LRP1B: variants seen among roughly 807,000 people sequenced by gnomAD.
LRP1B encodes LDL receptor related protein 1B.
A neutral mutation model predicts 556.6 loss-of-function variants in LRP1B; 217 were observed. That is an observed-to-expected ratio of 0.39 (90% CI 0.35 to 0.44). The LOEUF is 0.44. Among genes scored for constraint, LRP1B ranks in the 20% least tolerant of loss-of-function variants. The pLI is 1.00. For missense variants in LRP1B, 5,053 were observed against 5,620.8 expected (o/e 0.90, Z 3.23); for synonymous variants, 2,047 against 1,865.8 (o/e 1.10, Z -2.50).
intron 83 of LRP1B, among the ~76,000 whole-genome samples, chr2:140,308,968 AC>A (rs1292481873): frequency 6.6e-6 from 1 of 151,738 alleles, no homozygotes; most frequent in African/African-American, 2.4e-5. Context: ...CTATCTCCTG[AC>A]CTCTTGTCCC....
At chr2:140,648,905 A>G (rs1574190374) in intron 41 of LRP1B, among the ~76,000 whole-genome samples, 1 of 152,158 alleles carries the variant, frequency 6.6e-6, no homozygotes, top group East Asian at 1.9e-4. Flanking sequence ...CACAATTTAT[A>G]GAGTTAGAGA....
intron 41 of LRP1B, among the ~76,000 whole-genome samples, chr2:140,605,284 C>T (rs944377771): frequency 8.6e-5 from 13 of 152,036 alleles, no homozygotes; most frequent in Non-Finnish European, 1.5e-4. Flanking sequence ...CAATTTGCAG[C>T]CCAGGCAAAG....
At chr2:141,122,977 T>G (rs1408224453) in intron 7 of LRP1B, among the ~76,000 whole-genome samples, 2 of 152,052 alleles carry the variant, frequency 1.3e-5, no homozygotes, top group Non-Finnish European at 2.9e-5. Flanking sequence ...GAAACCATCA[T>G]TCTCAGTAAA....
chr2:140,924,673 C>A (rs1694836666), intron 20 of LRP1B, among the ~76,000 whole-genome samples: 2 of 152,092 alleles, frequency 1.3e-5, no homozygotes, highest in South Asian at 4.1e-4. Flanking sequence ...AATAATAAAG[C>A]ATTGAGTTTT....
At chr2:140,897,313 T>A (rs762559353) in intron 23 of LRP1B, among the ~76,000 whole-genome samples, 1 of 152,070 alleles carries the variant, frequency 6.6e-6, no homozygotes, top group African/African-American at 2.4e-5. Context: ...TCTCCTACCT[T>A]CCTGTTTTTC....
chr2:140,311,524 G>A (rs1573771511), intron 83 of LRP1B, among the ~76,000 whole-genome samples: 2 of 151,880 alleles, frequency 1.3e-5, no homozygotes, highest in South Asian at 4.1e-4. Flanking sequence ...GAAGTGGAAG[G>A]GTGGGAGGAG....
rs552162687 is a variant in LRP1B at position 140,403,237 on chromosome 2, A to T, written c.10415-17228T>A. Among the ~76,000 whole-genome samples the T allele has an allele frequency of 1.3e-4, 20 of 152,314 alleles. No individual in the cohort carries two copies. The East Asian group carries it at 3.9e-3, about 29-fold the overall frequency. On this transcript the variant is annotated intron_variant, in intron 66 of 90. Transcript: ENST00000389484. Reference sequence around the variant, plus strand: ...TAACATGATAAAACAAGGTTCTCTAACACACGATCACACTAGTTCCCCAGC... The same window carrying T: ...TAACATGATAAAACAAGGTTCTCTATCACACGATCACACTAGTTCCCCAGC...
At chr2:140,945,300 CCA>C (rs1181893653) in intron 20 of LRP1B, among the ~76,000 whole-genome samples, 1 of 152,110 alleles carries the variant, frequency 6.6e-6, no homozygotes, top group African/African-American at 2.4e-5. Flanking sequence ...ACATAGCAAT[CCA>C]CAGATTCAAC....
chr2:140,753,163 C>G (rs1412293613), intron 35 of LRP1B, among the ~76,000 whole-genome samples: 1 of 152,070 alleles, frequency 6.6e-6, no homozygotes, highest in Non-Finnish European at 1.5e-5. Flanking sequence ...TGATCATAGA[C>G]AAATTTTTCC....
At chr2:141,526,503 C>T (rs1271561650) in intron 2 of LRP1B, among the ~76,000 whole-genome samples, 1 of 152,024 alleles carries the variant, frequency 6.6e-6, no homozygotes, top group East Asian at 1.9e-4. Flanking sequence ...AATAATTACA[C>T]TATTCTCCTA....
intron 3 of LRP1B, among the ~76,000 whole-genome samples, chr2:141,373,366 T>C (rs1364053400): frequency 2.0e-5 from 3 of 152,138 alleles, no homozygotes; most frequent in Non-Finnish European, 4.4e-5. Context: ...CCATTCTATC[T>C]AAAATCCAAT....
intron 2 of LRP1B, among the ~76,000 whole-genome samples, chr2:141,708,401 T>C (rs1350654839): frequency 6.6e-6 from 1 of 152,028 alleles, no homozygotes; most frequent in African/African-American, 2.4e-5. Flanking sequence ...AGAGTTGGTT[T>C]TTCCCTTTAG....
intron 1 of LRP1B, among the ~76,000 whole-genome samples, chr2:141,830,127 A>G (rs1697065005): frequency 1.3e-5 from 2 of 151,972 alleles, no homozygotes; most frequent in Admixed American, 1.3e-4. Context: ...ATCATATTAT[A>G]TGCTTAATTG....
intron 41 of LRP1B, among the ~76,000 whole-genome samples, chr2:140,662,363 T>A (rs1685127530): frequency 6.6e-6 from 1 of 152,006 alleles, no homozygotes; most frequent in African/African-American, 2.4e-5. Context: ...TAAGGAAAAA[T>A]TATTTAAGAA....
intron 1 of LRP1B, among the ~76,000 whole-genome samples, chr2:141,975,985 T>C (rs1701875775): frequency 1.3e-5 from 2 of 152,160 alleles, no homozygotes; most frequent in African/African-American, 4.8e-5. Flanking sequence ...CTTTCTATGT[T>C]AAATTTCAAA....
chr2:140,413,963 G>T (rs1437863623), intron 66 of LRP1B, among the ~76,000 whole-genome samples: 1 of 151,962 alleles, frequency 6.6e-6, no homozygotes, highest in Non-Finnish European at 1.5e-5. Flanking sequence ...TGTCAGCCAG[G>T]TTGGAATGCA....
chr2:142,067,820 C>T (rs1705161252), intron 1 of LRP1B, among the ~76,000 whole-genome samples: 2 of 151,554 alleles, frequency 1.3e-5, no homozygotes, highest in South Asian at 4.1e-4. Flanking sequence ...AAAAATGTTG[C>T]TGTGGCTACT....
intron 31 of LRP1B, among the ~76,000 whole-genome samples, chr2:140,832,835 A>G (rs1691763785): frequency 6.6e-6 from 1 of 151,410 alleles, no homozygotes; most frequent in African/African-American, 2.4e-5. Context: ...GCACAGTAGA[A>G]TGACTACAGT....
intron 1 of LRP1B, among the ~76,000 whole-genome samples, chr2:142,075,259 C>T (rs544911586): frequency 4.6e-5 from 7 of 152,078 alleles, no homozygotes; most frequent in South Asian, 2.1e-4. Context: ...ATATGTTAAC[C>T]ATAGTAATCA....
Sources: gnomAD v4.1 joint callset for allele counts (sites outside exome capture counted in the v4.1 genomes callset) on GRCh38, gnomAD v4.1.1 for gene constraint, MANE v1.5 for transcripts, NCBI Gene and HGNC (gene_info 2026-07-23, HGNC 2026-07-21) for gene names.